LRP1B: variants seen among roughly 807,000 people sequenced by gnomAD.
LRP1B encodes the protein LDL receptor related protein 1B.
Under a neutral mutation model 556.6 loss-of-function variants are expected in LRP1B, and 217 were observed. The observed-to-expected ratio is 0.39, with a 90% confidence interval of 0.35 to 0.44. The LOEUF (loss-of-function observed/expected upper bound fraction) is 0.44. Ranked by LOEUF, LRP1B falls within the 20% of genes least tolerant of loss-of-function variation. LRP1B has a pLI of 1.00. For synonymous variants in LRP1B, 2,047 were observed against 1,865.8 expected (o/e 1.10, Z -2.50); for missense variants, 5,053 against 5,620.8 (o/e 0.90, Z 3.23).
chr2:140,873,558 C>T (rs1303271466), intron 25 of LRP1B, among the ~76,000 whole-genome samples: 3 of 152,004 alleles, frequency 2.0e-5, no homozygotes, highest in African/African-American at 4.8e-5. Flanking sequence ...CCAGTTAGTT[C>T]AGATATTTTT....
At chr2:141,035,697 C>A (rs982526458) in intron 11 of LRP1B, among the ~76,000 whole-genome samples, 1 of 151,858 alleles carries the variant, frequency 6.6e-6, no homozygotes, top group African/African-American at 2.4e-5. Flanking sequence ...ACACATAAAC[C>A]AATTTTTCTT....
intron 3 of LRP1B, among the ~76,000 whole-genome samples, chr2:141,407,356 C>CA (rs747493593): frequency 8.6e-5 from 13 of 151,252 alleles, no homozygotes; most frequent in Non-Finnish European, 1.5e-4. Flanking sequence ...AACAAACAAG[C>CA]AAAAAAAACA....
At chr2:140,839,322 C>T (rs1404886496) in intron 31 of LRP1B, among the ~76,000 whole-genome samples, 1 of 152,118 alleles carries the variant, frequency 6.6e-6, no homozygotes, top group African/African-American at 2.4e-5. Flanking sequence ...TATTGAGTGT[C>T]AACTTGTTTG....
intron 1 of LRP1B, among the ~76,000 whole-genome samples, chr2:141,890,390 A>ATGTATTGTGTATATATATATATGTATT (rs375936846): frequency 2.2e-5 from 3 of 135,968 alleles, no homozygotes; most frequent in African/African-American, 8.4e-5. Context: ...ATACATATAT[A>ATGTATTGTGTATATATATATATGTATT]GTGTATATAT....
chr2:140,699,617 G>A (rs1574255413), intron 41 of LRP1B, among the ~76,000 whole-genome samples: 1 of 96,258 alleles, frequency 1.0e-5, no homozygotes, highest in Non-Finnish European at 2.7e-5. Flanking sequence ...TGAAGAATAA[G>A]AAGATGGTTT....
intron 3 of LRP1B, among the ~76,000 whole-genome samples, chr2:141,425,916 T>C (rs1174310001): frequency 2.7e-5 from 4 of 150,202 alleles, no homozygotes; most frequent in Non-Finnish European, 6.0e-5. Flanking sequence ...CAGAAGCTCT[T>C]TAGTTTAATT....
intron 1 of LRP1B, among the ~76,000 whole-genome samples, chr2:141,857,173 G>A (rs1410262174): frequency 6.6e-6 from 1 of 151,932 alleles, no homozygotes; most frequent in Non-Finnish European, 1.5e-5. Flanking sequence ...TTAAGTTAGA[G>A]GTATAAAGTC....
intron 1 of LRP1B, among the ~76,000 whole-genome samples, chr2:142,058,623 C>A (rs957787863): frequency 9.9e-5 from 15 of 152,010 alleles, no homozygotes; most frequent in African/African-American, 3.6e-4. Flanking sequence ...AATTTTTCTC[C>A]CAATATGACC....
chr2:141,012,904 A>G (rs1000997001), intron 14 of LRP1B, among the ~76,000 whole-genome samples: 3 of 152,004 alleles, frequency 2.0e-5, no homozygotes, highest in African/African-American at 7.2e-5. Flanking sequence ...CTCATAAAAA[A>G]CCTACCACAT....
chr2:140,828,900 A>G (rs1022911012), intron 31 of LRP1B, among the ~76,000 whole-genome samples: 2 of 152,070 alleles, frequency 1.3e-5, no homozygotes, highest in Admixed American at 6.5e-5. Context: ...TCACCTACAA[A>G]AAGACACACA....
chr2:140,523,583 T>C (rs1322105395), intron 49 of LRP1B, among the ~76,000 whole-genome samples: 3 of 151,446 alleles, frequency 2.0e-5, no homozygotes, highest in Admixed American at 6.6e-5. Context: ...AATAGAAAAA[T>C]AGGAAACCAA....
At chr2:141,104,696 G>A (rs1205545732) in intron 7 of LRP1B, among the ~76,000 whole-genome samples, 2 of 152,058 alleles carry the variant, frequency 1.3e-5, no homozygotes, top group African/African-American at 2.4e-5. Flanking sequence ...TTTCTAGAAA[G>A]CAAGGGTCTG....
intron 35 of LRP1B, among the ~76,000 whole-genome samples, chr2:140,718,038 C>G (rs973125967): frequency 3.3e-5 from 5 of 152,008 alleles, no homozygotes; most frequent in African/African-American, 1.2e-4. Context: ...AATCAATCAA[C>G]AAAAATAAAT....
rs372844484 is a variant in LRP1B at position 141,340,040 on chromosome 2, C to T, written c.344-85399G>A. The stretch of plus-strand genomic sequence containing the variant: ...TAGAAGTGAGAGAGACATAGTTTAA[C>T]GGCAAGAAATAACTCCAATATAAAG... On this transcript the variant is annotated intron_variant, in intron 3 of 90. Coordinates refer to ENST00000389484, the MANE Select transcript of LRP1B (RefSeq NM_018557.3). Among the ~76,000 whole-genome samples, 19 of 152,268 alleles carry T rather than the reference C, an allele frequency of 1.2e-4. No homozygotes were observed. The East Asian group carries it at 2.1e-3, about 17-fold the overall frequency.
chr2:141,838,845 A>G lies in LRP1B; in HGVS notation c.83-28444T>C, dbSNP rs571321062. 6.6e-5 allele frequency among the ~76,000 whole-genome samples: 10 copies of G among 152,274 alleles called. No individual in the cohort carries two copies. In the East Asian group the frequency reaches 1.4e-3, roughly 21 times the overall value. ...GATTATGAGATTTGGAATTCAGATT[A>G]GTATTTGCTTTTTCCCTTCTCTGTT... On this transcript the variant is annotated intron_variant, in intron 1 of 90. Transcript: ENST00000389484.
intron 1 of LRP1B, among the ~76,000 whole-genome samples, chr2:141,859,180 T>C (rs1247645902): frequency 6.6e-6 from 1 of 152,240 alleles, no homozygotes; most frequent in Non-Finnish European, 1.5e-5. Context: ...ACAATTGTTT[T>C]GTCCCTTAAA....
intron 1 of LRP1B, among the ~76,000 whole-genome samples, chr2:141,903,838 C>T (rs557129900): frequency 2.0e-5 from 3 of 151,972 alleles, no homozygotes; most frequent in Non-Finnish European, 2.9e-5. Flanking sequence ...GTGGTAGTTA[C>T]GTGGTAGATG....
At chr2:140,424,061 T>TG (rs1456799157) in intron 66 of LRP1B, among the ~76,000 whole-genome samples, 1 of 152,152 alleles carries the variant, frequency 6.6e-6, no homozygotes, top group Non-Finnish European at 1.5e-5. Flanking sequence ...AAGACTCACA[T>TG]GTTTTAGTCT....
At chr2:140,345,445 C>T (rs1205729240) in intron 77 of LRP1B, among the ~76,000 whole-genome samples, 1 of 151,344 alleles carries the variant, frequency 6.6e-6, no homozygotes, top group East Asian at 1.9e-4. Flanking sequence ...TCTCTTAATG[C>T]ACTGTATTTA....
Sources: allele counts gnomAD v4.1 joint callset (sites outside exome capture counted in the v4.1 genomes callset), GRCh38; gene constraint gnomAD v4.1.1; transcripts MANE v1.5; gene names NCBI Gene and HGNC (gene_info 2026-07-23, HGNC 2026-07-21).